DIP2B: variants seen among roughly 807,000 people sequenced by gnomAD.
The protein encoded by DIP2B is disco-interacting protein 2 homolog B.
In DIP2B, 76 loss-of-function variants were observed where a neutral mutation model predicts 198.0. That is an observed-to-expected ratio of 0.38 (90% CI 0.32 to 0.46). The LOEUF (loss-of-function observed/expected upper bound fraction) is 0.46. Ranked by LOEUF, DIP2B falls within the 20% of genes least tolerant of loss-of-function variation. The pLI, the probability that DIP2B is intolerant of heterozygous loss-of-function variation, is 0.99. For missense variants in DIP2B, 1,559 were observed against 1,978.4 expected, an observed-to-expected ratio of 0.79 and a Z score of 4.02; for synonymous variants, 701 against 739.1, an observed-to-expected ratio of 0.95 and a Z score of 0.84.
rs73119140 is a variant in DIP2B, at chr12:50,589,890, C to A, written c.101-36086C>A. ...TATATGCTAATCGGGGATTAATTAT[C>A]TTCCAAGATCCTCTTACTGCTTTCT... On this transcript the variant is annotated intron_variant, in intron 1 of 37. Transcript: ENST00000301180. Among the ~76,000 whole-genome samples, 763 of 152,304 alleles carry A rather than the reference C, an allele frequency of 5.0e-3. 4 individuals are homozygous for A. The highest frequency in any genetic ancestry group is 8.2e-3 in the Non-Finnish European group (555 of 68,020).
At chr12:50,680,870 C>A in intron 9 of DIP2B, 107 bp downstream of exon 9, 1 of 1,070,648 alleles carries the variant, frequency 9.3e-7, no homozygotes, top group Non-Finnish European at 1.4e-6. Flanking sequence ...ATTTATGTAA[C>A]TCTTATTTTT....
intron 1 of DIP2B, among the ~76,000 whole-genome samples, chr12:50,594,911 T>G (rs1268708328): frequency 6.6e-6 from 1 of 152,254 alleles, no homozygotes; most frequent in African/African-American, 2.4e-5. Context: ...GTGAAATAAC[T>G]GTCAGGTTTG....
intron 4 of DIP2B, among the ~76,000 whole-genome samples, chr12:50,670,298 C>T (rs1266628396): frequency 6.6e-6 from 1 of 152,096 alleles, no homozygotes; most frequent in African/African-American, 2.4e-5. Context: ...GAAAGCTTAC[C>T]TGTGCACCCT....
chr12:50,654,935 T>C (rs1938529224), intron 3 of DIP2B: 1 of 429,256 alleles, frequency 2.3e-6, no homozygotes, highest in African/African-American at 2.0e-5. Flanking sequence ...AGTAATGCAG[T>C]GTGGTAAAAA....
intron 2 of DIP2B, 69 bp downstream of exon 2, chr12:50,626,116 T>G (rs1481461934): frequency 6.7e-7 from 1 of 1,495,938 alleles, no homozygotes; most frequent in Non-Finnish European, 9.3e-7. Context: ...TTACAAGACC[T>G]CTATCTTTTG....
At chr12:50,702,480 G>C (rs1939436260) in intron 19 of DIP2B, among the ~76,000 whole-genome samples, 2 of 151,292 alleles carry the variant, frequency 1.3e-5, no homozygotes, top group Admixed American at 1.3e-4. Flanking sequence ...GAGAATCTCT[G>C]GAACCCGGGA....
At chr12:50,663,555 C>CAAATAAATAAATAAATAAATAAATAAAT (rs60815215) in intron 4 of DIP2B, among the ~76,000 whole-genome samples, 11 of 141,808 alleles carry the variant, frequency 7.8e-5, no homozygotes, top group Non-Finnish European at 1.4e-4. Context: ...GACTCCGTCT[C>CAAATAAATAAATAAATAAATAAATAAAT]AAATAAATAA....
In DIP2B at chr12:50,505,171, G is replaced by A; in HGVS notation, c.31G>A (p.Ala11Thr). 6.6e-7 allele frequency: 1 copy of A among 1,526,558 alleles called. No individual in the cohort carries two copies. Among genetic ancestry groups the A allele is most frequent in the Admixed American group, 2.0e-5 (1 of 50,606 alleles). 94.6% of individuals were successfully genotyped at this position (1,526,558 alleles called of 1,614,324 possible). ...GGAACGAGGCCTGGAGCCGTCGCCG[G>A]CCGCGGTGGCGGCGCTGCCGCCTGA... MAERGLEPSPAAVAALPPEVR... is the reference protein window; with the variant it reads MAERGLEPSPTAVAALPPEVR... The change falls in exon 1 of 38, where the codon GCC becomes ACC. Residue 11 changes from alanine (A) to threonine (T), a missense_variant. Physicochemically the swap from Ala to Thr is moderately conservative, Grantham distance 58 (BLOSUM62 0). Transcript: ENST00000301180.
At chr12:50,623,154 C>T (rs956022002) in intron 1 of DIP2B, among the ~76,000 whole-genome samples, 1 of 151,794 alleles carries the variant, frequency 6.6e-6, no homozygotes. Context: ...GAGACCGAGA[C>T]GAGAGGATTG....
chr12:50,714,636 A>G (rs1344439584), intron 23 of DIP2B, 40 bp downstream of exon 23: 5 of 1,605,800 alleles, frequency 3.1e-6, no homozygotes, highest in African/African-American at 1.3e-5. Context: ...TAAAATTCCA[A>G]CTTCAAGAAG....
At chr12:50,674,355 C>T (rs1053197711) in intron 5 of DIP2B, 119 bp from the exon 6 acceptor site, 161 of 1,030,280 alleles carry the variant, frequency 1.6e-4, no homozygotes, top group Middle Eastern at 2.6e-4. Flanking sequence ...TGTTGTTTTA[C>T]AAGAGCCAGT....
chr12:50,644,212 A>G (rs778118232), intron 3 of DIP2B, among the ~76,000 whole-genome samples: 2 of 152,144 alleles, frequency 1.3e-5, no homozygotes, highest in Non-Finnish European at 2.9e-5. Context: ...ATACTACCTT[A>G]TTAGTATATT....
intron 1 of DIP2B, among the ~76,000 whole-genome samples, chr12:50,558,836 A>T (rs1039125343): frequency 2.6e-5 from 4 of 152,332 alleles, no homozygotes; most frequent in African/African-American, 9.6e-5. Context: ...TGGGTGCACC[A>T]GTTCCCTCTG....
At chr12:50,549,857 A>C (rs893886880) in intron 1 of DIP2B, among the ~76,000 whole-genome samples, 3 of 152,056 alleles carry the variant, frequency 2.0e-5, no homozygotes, top group African/African-American at 4.8e-5. Context: ...CATTCTGTTA[A>C]ATTTTTTGTT....
rs536568760 is a variant in DIP2B, at chr12:50,523,997, G to C, written c.100+18757G>C. Among the ~76,000 whole-genome samples the C allele has an allele frequency of 2.6e-5, 4 of 152,198 alleles. No homozygotes were observed. The South Asian group carries it at 8.3e-4, about 32-fold the overall frequency. On this transcript the variant is annotated intron_variant, in intron 1 of 37. Coordinates refer to ENST00000301180, the MANE Select transcript of DIP2B (RefSeq NM_173602.3). ...ACAGGCAAAGTTTAACATCATGGCA[G>C]CTGTCAAAGGAAAAATATTTAAAGG...
intron 4 of DIP2B, among the ~76,000 whole-genome samples, chr12:50,668,499 A>G (rs1938794620): frequency 6.6e-6 from 1 of 152,234 alleles, no homozygotes; most frequent in African/African-American, 2.4e-5. Context: ...CAAACAGGGT[A>G]ACTGAATTGA....
rs757320772 is a variant in DIP2B, at chr12:50,721,336, G to C, written c.3106G>C (p.Val1036Leu). ...LHKRAERIAS[V>L]LGDKGHLNAG... ...TAAGCGAGCAGAGAGGATTGCATCT[G>C]TTCTTGGTGATAAGGGACATCTAAA... Residue 1036 changes from valine to leucine, a missense_variant, in exon 26 of 38, where the codon GTT (valine) becomes CTT (leucine). Val to Leu is a conservative substitution (Grantham distance 32). Coordinates refer to ENST00000301180, the MANE Select transcript of DIP2B (RefSeq NM_173602.3). The C allele has an allele frequency of 2.8e-5, 46 of 1,614,074 alleles. No homozygotes were observed. The highest frequency in any genetic ancestry group is 3.6e-5 in the Non-Finnish European group (43 of 1,180,038).
Position 50,746,373 on chromosome 12 carries a change from C to G in DIP2B, c.*1534C>G, listed in dbSNP as rs1940340973. On this transcript the variant is annotated 3_prime_UTR_variant, in exon 38 of 38. Coordinates refer to ENST00000301180, the MANE Select transcript of DIP2B (RefSeq NM_173602.3). The stretch of plus-strand genomic sequence containing the variant: ...TTAATAATACATATTATTTACCCCA[C>G]TGTAACATCATGTAAACTAAGTATG... The G allele has an allele frequency of 6.6e-6, 1 of 152,180 alleles. No homozygotes were observed. The highest frequency in any genetic ancestry group is 6.5e-5 in the Admixed American group (1 of 15,274). 9.4% of individuals were successfully genotyped at this position (152,180 alleles called of 1,614,324 possible). A position where few individuals can be genotyped will look rare whatever the true frequency, so the allele number is the denominator to read the frequency against.
chr12:50,570,667 G>A (rs539874373), intron 1 of DIP2B, among the ~76,000 whole-genome samples: 2 of 152,362 alleles, frequency 1.3e-5, no homozygotes, highest in African/African-American at 4.8e-5. Context: ...CCGAGATCGC[G>A]CCACTGCGAT....
Sources: allele counts gnomAD v4.1 joint callset (sites outside exome capture counted in the v4.1 genomes callset), GRCh38; gene constraint gnomAD v4.1.1; transcripts MANE v1.5; gene names NCBI Gene and HGNC (gene_info 2026-07-23, HGNC 2026-07-21).